The following GOPC variants were observed in gnomAD, a reference collection of about 807,000 sequenced individuals.
GOPC encodes golgi associated PDZ and coiled-coil motif containing, also known as Golgi-associated PDZ and coiled-coil motif-containing protein.
In GOPC, 32 loss-of-function variants were observed where a neutral mutation model predicts 51.2. The observed-to-expected ratio is 0.63, with a 90% CI of 0.47 to 0.84. The LOEUF (loss-of-function observed/expected upper bound fraction) is 0.84. GOPC is among the 40% of genes least tolerant of loss of function. The pLI is 0.00. For missense variants in GOPC, 441 were observed against 555.5 expected (o/e 0.79, Z 2.07); for synonymous variants, 190 against 205.1 (o/e 0.93, Z 0.63).
intron 8 of GOPC, among the ~76,000 whole-genome samples, chr6:117,565,045 C>T (rs1481333437): frequency 6.6e-6 from 1 of 152,000 alleles, no homozygotes; most frequent in Non-Finnish European, 1.5e-5. Context: ...ACTGATGTTT[C>T]CCATATTAGT....
chr6:117,564,565 A>G (rs1276306727), intron 8 of GOPC, among the ~76,000 whole-genome samples: 1 of 152,238 alleles, frequency 6.6e-6, no homozygotes, highest in African/African-American at 2.4e-5. Context: ...ATATATCTAT[A>G]AAGTATAGAC....
At chr6:117,570,762 A>G (rs914820852) in intron 6 of GOPC, 98 bp downstream of exon 6, 18 of 454,160 alleles carry the variant, frequency 4.0e-5, no homozygotes, top group Non-Finnish European at 6.5e-5. Context: ...TATTTAAAAA[A>G]TATATCCAGA....
intron 1 of GOPC, among the ~76,000 whole-genome samples, chr6:117,596,596 A>C (rs1562149139): frequency 6.6e-6 from 1 of 151,994 alleles, no homozygotes; most frequent in Non-Finnish European, 1.5e-5. Flanking sequence ...ATCCAGTTTC[A>C]TTTTTCTACA....
chr6:117,562,157 A>G lies in GOPC; in HGVS notation c.*1097T>C, dbSNP rs1033201313. On this transcript the variant is annotated 3_prime_UTR_variant, in exon 9 of 9. Coordinates refer to ENST00000368498, the MANE Select transcript of GOPC (RefSeq NM_020399.4). The stretch of plus-strand genomic sequence containing the variant: ...TTAATCATGGGACAACAGACCTAAC[A>G]AATTTATAAACCTGCATATGAAGAG... 1 of 207,366 alleles carries G rather than the reference A, an allele frequency of 4.8e-6. No individual in the cohort carries two copies. The highest frequency in any genetic ancestry group is 5.9e-5 in the Admixed American group (1 of 16,894). 12.8% of individuals were successfully genotyped at this position (207,366 alleles called of 1,614,324 possible).
chr6:117,570,825 C>A (rs746452251), intron 6 of GOPC, 35 bp downstream of exon 6: 1 of 958,586 alleles, frequency 1.0e-6, no homozygotes, highest in Non-Finnish European at 1.6e-6. Flanking sequence ...TACTAGATAA[C>A]TGTAGAAAAT....
At chr6:117,601,178 T>C (rs1282960754) in intron 1 of GOPC, among the ~76,000 whole-genome samples, 1 of 152,192 alleles carries the variant, frequency 6.6e-6, no homozygotes, top group Non-Finnish European at 1.5e-5. Flanking sequence ...TATGCAATAA[T>C]GTTAATCTAT....
In GOPC at chr6:117,602,407, A is replaced by C; in HGVS notation, c.-119T>G. On this transcript the variant is annotated 5_prime_UTR_variant, in exon 1 of 9. Transcript: ENST00000368498. ...CGGGCACACTCCGTCACCTCCCTTCACCTCGCGCCGTTAACGCCAGCAGCA... is the reference window on the plus strand; with the variant it reads ...CGGGCACACTCCGTCACCTCCCTTCCCCTCGCGCCGTTAACGCCAGCAGCA... The C allele has an allele frequency of 2.1e-6, 2 of 964,898 alleles. No individual in the cohort carries two copies. The highest frequency in any genetic ancestry group is 3.0e-6 in the Non-Finnish European group (2 of 670,702). 59.8% of individuals were successfully genotyped at this position (964,898 alleles called of 1,614,324 possible).
chr6:117,581,134 A>G (rs1300273659), intron 1 of GOPC, among the ~76,000 whole-genome samples: 1 of 152,202 alleles, frequency 6.6e-6, no homozygotes, highest in Non-Finnish European at 1.5e-5. Flanking sequence ...AAGAAAATAA[A>G]TAAGTGAAAA....
chr6:117,570,747 T>A, intron 6 of GOPC, 113 bp downstream of exon 6: 2 of 427,424 alleles, frequency 4.7e-6, no homozygotes, highest in Non-Finnish European at 8.3e-6. Context: ...GGGATAAATT[T>A]TAGTTATTTA....
chr6:117,591,382 T>TA (rs1372386543), intron 1 of GOPC, among the ~76,000 whole-genome samples: 1 of 152,236 alleles, frequency 6.6e-6, no homozygotes, highest in Non-Finnish European at 1.5e-5. Flanking sequence ...CTATTTCCCC[T>TA]AAAACATGGT....
chr6:117,570,687 AT>A (rs1779791889), intron 6 of GOPC, among the ~76,000 whole-genome samples, 172 bp downstream of exon 6: 1 of 152,036 alleles, frequency 6.6e-6, no homozygotes, highest in African/African-American at 2.4e-5. Context: ...TGCTAGGAAT[AT>A]TTATTTCTTA....
chr6:117,579,111 T>C, intron 1 of GOPC, 47 bp from the exon 2 acceptor site: 1 of 1,440,972 alleles, frequency 6.9e-7, no homozygotes, highest in Non-Finnish European at 9.4e-7. Context: ...TAATTTTCTT[T>C]CTTTTGACTA....
chr6:117,569,429 G>A (rs1779761976), intron 7 of GOPC, 143 bp downstream of exon 7: 7 of 1,137,456 alleles, frequency 6.2e-6, no homozygotes, highest in Non-Finnish European at 8.4e-6. Context: ...CTGAATGTCA[G>A]CTATAAAAGC....
chr6:117,597,574 A>G (rs1780219295), intron 1 of GOPC, among the ~76,000 whole-genome samples: 1 of 152,204 alleles, frequency 6.6e-6, no homozygotes, highest in African/African-American at 2.4e-5. Flanking sequence ...AAGCATGTGG[A>G]AAGTGTGAGA....
intron 1 of GOPC, among the ~76,000 whole-genome samples, chr6:117,601,113 A>G (rs1421386077): frequency 6.6e-6 from 1 of 152,188 alleles, no homozygotes; most frequent in Non-Finnish European, 1.5e-5. Flanking sequence ...TATCTATTAC[A>G]CTTTTTGAAA....
At chr6:117,575,818 G>A (rs1423130891) in intron 3 of GOPC, among the ~76,000 whole-genome samples, 1 of 152,132 alleles carries the variant, frequency 6.6e-6, no homozygotes, top group Non-Finnish European at 1.5e-5. Flanking sequence ...GGTTACATTT[G>A]TTCACAATAT....
At chr6:117,589,365 G>A (rs922175520) in intron 1 of GOPC, among the ~76,000 whole-genome samples, 2 of 152,176 alleles carry the variant, frequency 1.3e-5, no homozygotes, top group African/African-American at 4.8e-5. Flanking sequence ...TGTTGCCCAG[G>A]CTGGAGTGCA....
At chr6:117,564,746 G>A (rs1011454710) in intron 8 of GOPC, among the ~76,000 whole-genome samples, 5 of 152,134 alleles carry the variant, frequency 3.3e-5, no homozygotes, top group Admixed American at 6.6e-5. Flanking sequence ...TTCTAATCCC[G>A]ACAGAAAACA....
chr6:117,570,835 T>C (rs951226198), intron 6 of GOPC, 25 bp downstream of exon 6: 3 of 1,087,902 alleles, frequency 2.8e-6, no homozygotes, highest in Admixed American at 1.9e-5. Flanking sequence ...CTGTAGAAAA[T>C]GATACTGGAA....
Sources: allele counts gnomAD v4.1 joint callset (sites outside exome capture counted in the v4.1 genomes callset), GRCh38; gene constraint gnomAD v4.1.1; transcripts MANE v1.5; gene names NCBI Gene and HGNC (gene_info 2026-07-23, HGNC 2026-07-21).